LRATD1: variants seen among roughly 807,000 people sequenced by gnomAD.
The protein encoded by LRATD1 is LRAT domain containing 1.
In LRATD1, 8 loss-of-function variants were observed where a neutral mutation model predicts 21.3. The observed-to-expected ratio is 0.38, with a 90% confidence interval of 0.22 to 0.68. The LOEUF is 0.68. LRATD1 is among the 30% of genes least tolerant of loss of function. The pLI is 0.54. For missense variants in LRATD1, 380 were observed against 404.0 expected (o/e 0.94, Z 0.51); for synonymous variants, 210 against 186.2 (o/e 1.13, Z -1.04).
chr2:14,634,989 C>T lies in LRATD1; in HGVS notation c.*131C>T. The stretch of plus-strand genomic sequence containing the variant: ...CCACGCGCGTCCGCCGCCGGTGGCC[C>T]GGGCCCGGGCTGCACCCCCGCATCC... On this transcript the variant is annotated 3_prime_UTR_variant, in exon 2 of 2. Transcript: ENST00000295092. The T allele has an allele frequency of 1.6e-6, 2 of 1,256,016 alleles. No individual in the cohort carries two copies. The highest frequency in any genetic ancestry group is 2.2e-6 in the Non-Finnish European group (2 of 907,018). The allele number at this position is 1,256,016 out of a possible 1,614,324, so 77.8% of individuals were successfully genotyped here.
chr2:14,638,419 T>G lies in LRATD1; in HGVS notation c.*3561T>G, dbSNP rs1192473907. ...CACAGAAGCAGCTGTATGATTTACC[T>G]GTTTTTTTGAAACTTTAATGTTTAC... is the stretch of plus-strand genomic sequence containing the variant. On this transcript the variant is annotated 3_prime_UTR_variant, in exon 2 of 2. Transcript: ENST00000295092. 6.0e-6 allele frequency: 1 copy of G among 167,016 alleles called. No individual in the cohort carries two copies. Among genetic ancestry groups the G allele is most frequent in the Non-Finnish European group, 1.5e-5 (1 of 68,080 alleles). The allele number at this position is 167,016 out of a possible 1,614,324, so 10.3% of individuals were successfully genotyped here.
downstream of LRATD1, chr2:14,650,377 G>A (rs947867012): frequency 6.6e-6 from 1 of 152,104 alleles, no homozygotes. Flanking sequence ...GTATTTCTTA[G>A]GATATTTGCA....
rs750769532 is a variant in LRATD1, at chr2:14,634,126, G to A, written c.147G>A (p.Gln49=). ...AGGAAGACCTGGACGAACGCGGGCA[G>A]CCCGACAAGTTTGGCGTGAAGGCCC... ...DDEEDLDERG[Q]PDKFGVKAPP... The change falls in exon 2 of 2, where the codon CAG becomes CAA. Residue 49 remains glutamine (Q), a synonymous_variant. Transcript: ENST00000295092. 3.1e-6 allele frequency: 5 copies of A among 1,614,004 alleles called. No individual in the cohort carries two copies. Among genetic ancestry groups the A allele is most frequent in the East Asian group, 2.2e-5 (1 of 44,876 alleles).
chr2:14,645,234 G>A (rs944285766), intron 2 of LRATD1, among the ~76,000 whole-genome samples: 1 of 152,138 alleles, frequency 6.6e-6, no homozygotes, highest in Non-Finnish European at 1.5e-5. Context: ...TACAGTAAAT[G>A]TCTCTATGAA....
intron 2 of LRATD1, among the ~76,000 whole-genome samples, chr2:14,645,587 A>G (rs1056735711): frequency 1.3e-5 from 2 of 152,194 alleles, no homozygotes; most frequent in Non-Finnish European, 2.9e-5. Context: ...TTGTAGTTCT[A>G]CTTTTCCAAT....
rs1309743392 is a variant in LRATD1 at position 14,634,348 on chromosome 2, C to A, written c.369C>A (p.Gly123=). 2.5e-6 allele frequency: 4 copies of A among 1,582,518 alleles called. No individual in the cohort carries two copies. The highest frequency in any genetic ancestry group is 1.7e-4 in the Middle Eastern group (1 of 5,944). ...CGCTGCCAGCGCTCTGCGAACCCGG[C>A]GACCTGCTGGAGCTGCTGTGGCTGC... is the stretch of plus-strand genomic sequence containing the variant. ...VTALPALCEP[G]DLLELLWLQP... Residue 123 remains glycine, a synonymous_variant, in exon 2 of 2, where the codon GGC becomes GGA. Transcript: ENST00000295092.
At position 14,633,700 on chromosome 2, in the gene LRATD1, T is replaced by C. The variant is rs1230116417; in HGVS notation, c.-36-244T>C. ...CAGCCTGGGTGTTTTCTTCTGGGAG[T>C]TGGACCGAGTTCCCGGAAGGGGTCG... On this transcript the variant is annotated intron_variant, in intron 1 of 1. Coordinates refer to ENST00000295092, the MANE Select transcript of LRATD1 (RefSeq NM_145175.4). The surrounding 1 kb of genome is among the most constrained non-coding windows in gnomAD (Gnocchi z 7.5). 4.6e-6 allele frequency: 2 copies of C among 432,140 alleles called. No homozygotes were observed. The highest frequency in any genetic ancestry group is 3.9e-5 in the African/African-American group (2 of 51,122). The allele number at this position is 432,140 out of a possible 1,614,324, so 26.8% of individuals were successfully genotyped here. A position where few individuals can be genotyped will look rare whatever the true frequency, so the allele number is the denominator to read the frequency against.
At chr2:14,646,017 G>C (rs1572303388) in intron 2 of LRATD1, 1 of 152,100 alleles carries the variant, frequency 6.6e-6, no homozygotes, top group African/African-American at 2.4e-5. Flanking sequence ...TAACTCAGGG[G>C]TTCTGATCCA....
chr2:14,638,616 G>A lies in LRATD1; in HGVS notation c.*3758G>A, dbSNP rs368640064. 1.2e-5 allele frequency: 2 copies of A among 167,054 alleles called. No individual in the cohort carries two copies. Among genetic ancestry groups the A allele is most frequent in the African/African-American group, 4.8e-5 (2 of 41,538 alleles). The allele number at this position is 167,054 out of a possible 1,614,324, so 10.3% of individuals were successfully genotyped here. ...TTATTGATTACTTATGTTTTGTGGTGCGCTTTCAACATCCCTAAGAGTTAA... is the reference window on the plus strand; with the variant it reads ...TTATTGATTACTTATGTTTTGTGGTACGCTTTCAACATCCCTAAGAGTTAA... On this transcript the variant is annotated 3_prime_UTR_variant, in exon 2 of 2. Transcript: ENST00000295092.
chr2:14,634,432 G>C lies in LRATD1; in HGVS notation c.453G>C (p.Gly151=). ...ACTGGGCCGTCTACGTGGGCGGCGG[G>C]CAGATCATCCACCTGCACCAAGGCG... is the stretch of plus-strand genomic sequence containing the variant. ...APHWAVYVGG[G]QIIHLHQGEI... The change falls in exon 2 of 2, where the codon GGG becomes GGC. Residue 151 remains glycine (G), a synonymous_variant. Transcript: ENST00000295092. The C allele has an allele frequency of 6.6e-7, 1 of 1,525,046 alleles. No homozygotes were observed. The highest frequency in any genetic ancestry group is 8.8e-7 in the Non-Finnish European group (1 of 1,140,094). The allele number at this position is 1,525,046 out of a possible 1,614,324, so 94.5% of individuals were successfully genotyped here. A position where few individuals can be genotyped will look rare whatever the true frequency, so the allele number is the denominator to read the frequency against.
intron 2 of LRATD1, among the ~76,000 whole-genome samples, chr2:14,645,771 A>G (rs918820890): frequency 6.6e-6 from 1 of 152,184 alleles, no homozygotes; most frequent in South Asian, 2.1e-4. Context: ...CCTGAATATC[A>G]TATTTGCTTA....
Position 14,636,960 on chromosome 2 carries a change from TTGAG to T in LRATD1, c.*2106_*2109del, listed in dbSNP as rs1380039430. On this transcript the variant is annotated 3_prime_UTR_variant, in exon 2 of 2. Coordinates refer to ENST00000295092, the MANE Select transcript of LRATD1 (RefSeq NM_145175.4). ...AACTAAAGTATTTTTCTTAAGCCTATTGAGTGATTTATTTTTTAAAAAATGTTTA... is the reference window on the plus strand; with the variant it reads ...AACTAAAGTATTTTTCTTAAGCCTATTGATTTATTTTTTAAAAAATGTTTA... The T allele has an allele frequency of 3.6e-5, 6 of 167,074 alleles. No homozygotes were observed. Among genetic ancestry groups the T allele is most frequent in the South Asian group, 2.1e-4 (1 of 4,836 alleles). The allele number at this position is 167,074 out of a possible 1,614,324, so 10.3% of individuals were successfully genotyped here. A position where few individuals can be genotyped will look rare whatever the true frequency, so the allele number is the denominator to read the frequency against.
downstream of LRATD1, among the ~76,000 whole-genome samples, chr2:14,640,859 C>A (rs1042536195): frequency 6.6e-6 from 1 of 152,176 alleles, no homozygotes; most frequent in African/African-American, 2.4e-5. Context: ...TTTCACTTCT[C>A]AGTGCAAGTG....
At chr2:14,646,051 T>C (rs1671889378) in intron 2 of LRATD1, 1 of 151,828 alleles carries the variant, frequency 6.6e-6, no homozygotes, top group African/African-American at 2.4e-5. Flanking sequence ...TGTCTGTCCT[T>C]TGTAAGATTT....
At position 14,635,320 on chromosome 2, in the gene LRATD1, G is replaced by C; in HGVS notation, c.*462G>C. On this transcript the variant is annotated 3_prime_UTR_variant, in exon 2 of 2. Coordinates refer to ENST00000295092, the MANE Select transcript of LRATD1 (RefSeq NM_145175.4). ...CGAGAACTGGTCTCTACAGGGCACA[G>C]TTCAGCTCCTCTGTGGATGCGTCCC... The C allele has an allele frequency of 2.1e-6, 1 of 481,768 alleles. No individual in the cohort carries two copies. Among genetic ancestry groups the C allele is most frequent in the Non-Finnish European group, 4.3e-6 (1 of 234,688 alleles). 29.8% of individuals were successfully genotyped at this position (481,768 alleles called of 1,614,324 possible).
At chr2:14,651,053 C>T (rs1201530645), downstream of LRATD1, among the ~76,000 whole-genome samples, 3 of 152,078 alleles carry the variant, frequency 2.0e-5, no homozygotes, top group African/African-American at 4.8e-5. Flanking sequence ...AATTTCCATC[C>T]TGCTCATCCT....
chr2:14,646,522 G>C (rs1335510837), intron 4 of LRATD1: 1 of 152,170 alleles, frequency 6.6e-6, no homozygotes, highest in Non-Finnish European at 1.5e-5. Context: ...TATTGATCAT[G>C]TGTTGGGAAA....
chr2:14,635,152 G>C lies in LRATD1; in HGVS notation c.*294G>C. Reference sequence around the variant, plus strand: ...GCTTTCCCCTTGAGATGTAAACCGGGAACGGGGAAGGGGCTGAGGGGAGAA... The same window carrying C: ...GCTTTCCCCTTGAGATGTAAACCGGCAACGGGGAAGGGGCTGAGGGGAGAA... On this transcript the variant is annotated 3_prime_UTR_variant, in exon 2 of 2. Transcript: ENST00000295092. The C allele has an allele frequency of 1.5e-6, 1 of 676,616 alleles. No individual in the cohort carries two copies. 41.9% of individuals were successfully genotyped at this position (676,616 alleles called of 1,614,324 possible).
In LRATD1 at chr2:14,634,414, C is replaced by T. The variant is rs771233744; in HGVS notation, c.435C>T (p.Ala145=). ...CGCCCGCGCCCGCCCCGCACTGGGC[C>T]GTCTACGTGGGCGGCGGGCAGATCA... ...PEPPAPAPHW[A]VYVGGGQIIH... The change falls in exon 2 of 2, where the codon GCC becomes GCT. Residue 145 remains alanine (A), a synonymous_variant. Coordinates refer to ENST00000295092, the MANE Select transcript of LRATD1 (RefSeq NM_145175.4). 3.9e-6 allele frequency: 6 copies of T among 1,525,078 alleles called. No homozygotes were observed. Among genetic ancestry groups the T allele is most frequent in the African/African-American group, 1.4e-5 (1 of 72,214 alleles). The allele number at this position is 1,525,078 out of a possible 1,614,324, so 94.5% of individuals were successfully genotyped here. A position where few individuals can be genotyped will look rare whatever the true frequency, so the allele number is the denominator to read the frequency against.
Sources: gnomAD v4.1 joint callset for allele counts (sites outside exome capture counted in the v4.1 genomes callset) on GRCh38, gnomAD v4.1.1 for gene constraint, Gnocchi (gnomAD v3.1) non-coding constraint, MANE v1.5 for transcripts, NCBI Gene and HGNC (gene_info 2026-07-23, HGNC 2026-07-21) for gene names.